PRKCI: variants seen among roughly 807,000 people sequenced by gnomAD.
The protein encoded by PRKCI is protein kinase C iota type.
In PRKCI, 43 loss-of-function variants were observed where a neutral mutation model predicts 84.0. The observed-to-expected ratio is 0.51, with a 90% CI of 0.40 to 0.66. The LOEUF (loss-of-function observed/expected upper bound fraction) is 0.66, where lower values mean the gene tolerates loss of function less well. Among genes scored for constraint, PRKCI ranks in the 30% least tolerant of loss-of-function variants. PRKCI has a pLI of 0.00. For synonymous variants in PRKCI, 216 were observed against 234.4 expected, an observed-to-expected ratio of 0.92 and a Z score of 0.72; for missense variants, 459 against 745.6, an observed-to-expected ratio of 0.62 and a Z score of 4.48.
intron 1 of PRKCI, among the ~76,000 whole-genome samples, chr3:170,227,309 C>T (rs1363560967): frequency 6.6e-6 from 1 of 152,084 alleles, no homozygotes; most frequent in Non-Finnish European, 1.5e-5. Flanking sequence ...GTCCGTAATC[C>T]AGGCACATGA....
At chr3:170,270,627 GA>G in intron 6 of PRKCI, 66 bp downstream of exon 6, 1 of 1,487,740 alleles carries the variant, frequency 6.7e-7, no homozygotes, top group Non-Finnish European at 9.0e-7. Context: ...TGCTATAACA[GA>G]GTGCTAAAAT....
At chr3:170,232,337 A>G (rs946396242) in intron 1 of PRKCI, among the ~76,000 whole-genome samples, 3 of 152,036 alleles carry the variant, frequency 2.0e-5, no homozygotes, top group African/African-American at 7.2e-5. Context: ...GGCATGAGCC[A>G]CCTTGCCTGG....
At chr3:170,282,853 T>C (rs888961178) in intron 11 of PRKCI, among the ~76,000 whole-genome samples, 5 of 151,960 alleles carry the variant, frequency 3.3e-5, no homozygotes, top group Admixed American at 3.3e-4. Context: ...ATGCCTGTAA[T>C]CCCAGCACTT....
intron 12 of PRKCI, among the ~76,000 whole-genome samples, chr3:170,290,047 T>G (rs1284610317): frequency 6.6e-6 from 1 of 150,864 alleles, no homozygotes; most frequent in Non-Finnish European, 1.5e-5. Context: ...AACTCCAGCC[T>G]GGATGACAGA....
chr3:170,264,580 C>A (rs567226458), intron 4 of PRKCI, among the ~76,000 whole-genome samples: 1 of 152,192 alleles, frequency 6.6e-6, no homozygotes, highest in East Asian at 1.9e-4. Context: ...CACCTGGCCC[C>A]AAGTCACTTA....
At chr3:170,280,106 TAA>T in intron 8 of PRKCI, 119 bp from the exon 9 acceptor site, 1 of 897,094 alleles carries the variant, frequency 1.1e-6, no homozygotes, top group Non-Finnish European at 1.6e-6. Context: ...ATTAAGAACT[TAA>T]AATATTTTTA....
chr3:170,278,835 G>A (rs1734178976), intron 8 of PRKCI, among the ~76,000 whole-genome samples: 1 of 152,152 alleles, frequency 6.6e-6, no homozygotes, highest in African/African-American at 2.4e-5. Context: ...CACATGGCAA[G>A]AGAGGGAGCA....
intron 5 of PRKCI, 131 bp from the exon 6 acceptor site, chr3:170,270,290 T>C: frequency 1.1e-6 from 1 of 889,482 alleles, no homozygotes; most frequent in South Asian, 3.6e-5. Flanking sequence ...AAGCTTTGTT[T>C]TGCTTTTGTT....
At chr3:170,240,543 C>G (rs1733103924) in intron 2 of PRKCI, among the ~76,000 whole-genome samples, 1 of 152,096 alleles carries the variant, frequency 6.6e-6, no homozygotes, top group South Asian at 2.1e-4. Flanking sequence ...CCAATCTTTT[C>G]TTAATTTTAG....
chr3:170,276,468 T>C (rs961819421), intron 8 of PRKCI, among the ~76,000 whole-genome samples: 28 of 151,892 alleles, frequency 1.8e-4, no homozygotes, highest in Admixed American at 1.4e-3. Context: ...TTTTTTTCTT[T>C]TTATTTTTTT....
intron 1 of PRKCI, among the ~76,000 whole-genome samples, chr3:170,230,969 T>G (rs1477515457): frequency 7.4e-5 from 11 of 149,612 alleles, no homozygotes; most frequent in Non-Finnish European, 1.5e-4. Flanking sequence ...TTTTGTTTTT[T>G]TTTTTTTTGA....
intron 12 of PRKCI, among the ~76,000 whole-genome samples, chr3:170,285,148 C>T (rs559642030): frequency 1.2e-3 from 186 of 149,286 alleles, no homozygotes; most frequent in Non-Finnish European, 2.4e-3. Context: ...GGCGCAATCT[C>T]GGCTCAGTGC....
intron 12 of PRKCI, among the ~76,000 whole-genome samples, chr3:170,291,306 T>A (rs1734544570): frequency 6.6e-6 from 1 of 152,240 alleles, no homozygotes. Flanking sequence ...TGTAAATTAT[T>A]TTAAATTCAA....
At chr3:170,234,031 CTTT>C (rs386398519) in intron 1 of PRKCI, among the ~76,000 whole-genome samples, 1 of 93,364 alleles carries the variant, frequency 1.1e-5, no homozygotes, top group Non-Finnish European at 2.0e-5. Context: ...TATACTTACA[CTTT>C]TTTTTTTTTT....
intron 2 of PRKCI, among the ~76,000 whole-genome samples, chr3:170,253,388 G>T (rs1055919786): frequency 1.3e-5 from 2 of 152,140 alleles, no homozygotes; most frequent in Non-Finnish European, 2.9e-5. Context: ...CATTTTAACT[G>T]GAATGAGATG....
chr3:170,281,278 T>C lies in PRKCI; in HGVS notation c.980+15T>C. The C allele has an allele frequency of 6.2e-7, 1 of 1,603,386 alleles. No homozygotes were observed. The highest frequency in any genetic ancestry group is 1.1e-5 in the South Asian group (1 of 90,858). ...ACAGAAAGCAGGTAAGATTGAAAGA[T>C]AGTAGAATGATTACTGGGCTTCATA... On this transcript the variant is annotated intron_variant, in intron 10 of 17. Coordinates refer to ENST00000295797, the MANE Select transcript of PRKCI (RefSeq NM_002740.6).
chr3:170,222,448 G>A lies in PRKCI; in HGVS notation c.-222G>A, dbSNP rs1446312225. On this transcript the variant is annotated 5_prime_UTR_variant, in exon 1 of 18. Coordinates refer to ENST00000295797, the MANE Select transcript of PRKCI (RefSeq NM_002740.6). The stretch of plus-strand genomic sequence containing the variant: ...CGACGCAGGAGGTGTCTTGGGCCCG[G>A]GCGGCTGTAGAGGCGGCGGCGCCTA... 4.4e-6 allele frequency: 2 copies of A among 452,392 alleles called. No individual in the cohort carries two copies. The highest frequency in any genetic ancestry group is 3.6e-5 in the East Asian group (1 of 27,684). The allele number at this position is 452,392 out of a possible 1,614,324, so 28.0% of individuals were successfully genotyped here. A position where few individuals can be genotyped will look rare whatever the true frequency, so the allele number is the denominator to read the frequency against.
intron 13 of PRKCI, among the ~76,000 whole-genome samples, 157 bp downstream of exon 13, chr3:170,292,098 T>C (rs1734566829): frequency 6.6e-6 from 1 of 152,158 alleles, no homozygotes; most frequent in Admixed American, 6.5e-5. Context: ...TCCCAGACTT[T>C]GAAATCGAGA....
At chr3:170,230,234 C>T (rs545307912) in intron 1 of PRKCI, among the ~76,000 whole-genome samples, 11 of 149,220 alleles carry the variant, frequency 7.4e-5, no homozygotes, top group East Asian at 4.0e-4. Context: ...GGCGTGATCT[C>T]GTCTTACTGC....
Sources: allele counts gnomAD v4.1 joint callset (sites outside exome capture counted in the v4.1 genomes callset), GRCh38; gene constraint gnomAD v4.1.1; transcripts MANE v1.5; gene names NCBI Gene and HGNC (gene_info 2026-07-23, HGNC 2026-07-21).